Variants in STRA6 observed in about 807,000 individuals in gnomAD.
The protein encoded by STRA6 is receptor for retinol uptake STRA6.
A neutral mutation model predicts 83.6 loss-of-function variants in STRA6; 48 were observed. The observed-to-expected ratio is 0.57, with a 90% CI of 0.46 to 0.73. The LOEUF is 0.73. Ranked by LOEUF, STRA6 falls within the 30% of genes least tolerant of loss-of-function variation. The pLI, the probability that STRA6 is intolerant of heterozygous loss-of-function variation, is 0.00. For synonymous variants in STRA6, 353 were observed against 362.3 expected (o/e 0.97, Z 0.29); for missense variants, 760 against 838.8 (o/e 0.91, Z 1.16).
intron 4 of STRA6, among the ~76,000 whole-genome samples, chr15:74,196,985 C>A (rs1301393296): frequency 6.6e-6 from 1 of 152,158 alleles, no homozygotes; most frequent in Admixed American, 6.5e-5. Context: ...CAGGTGATAC[C>A]CTCAGGGAAG....
chr15:74,194,415 A>C (rs1378193574), intron 7 of STRA6: 1 of 1,046,630 alleles, frequency 9.6e-7, no homozygotes, highest in Non-Finnish European at 1.2e-6. Flanking sequence ...TTTTATTGAG[A>C]GCTTAGTATG....
At chr15:74,209,130 C>T (rs1237112666), upstream of STRA6, 2 of 1,313,506 alleles carry the variant, frequency 1.5e-6, no homozygotes, top group Non-Finnish European at 2.0e-6. Flanking sequence ...CAGAGGAACC[C>T]ACCCCACCCC....
At chr15:74,186,913 G>C (rs532062920) in intron 12 of STRA6, among the ~76,000 whole-genome samples, 2 of 152,320 alleles carry the variant, frequency 1.3e-5, no homozygotes, top group South Asian at 2.1e-4. Flanking sequence ...ATTCAGCCAG[G>C]GCTAAAAATG....
chr15:74,187,837 C>T (rs2073331557), intron 12 of STRA6, among the ~76,000 whole-genome samples: 1 of 152,180 alleles, frequency 6.6e-6, no homozygotes, highest in South Asian at 2.1e-4. Flanking sequence ...GAAGCAGAGT[C>T]CTTTGCCCTG....
chr15:74,194,622 C>T (rs1298737043), intron 7 of STRA6: 1 of 631,546 alleles, frequency 1.6e-6, no homozygotes. Context: ...CATGTCTGCC[C>T]TTCTGAAGTG....
Position 74,180,961 on chromosome 15 carries a change from A to G in STRA6, c.1685-24T>C, listed in dbSNP as rs12913041. 0.19 allele frequency: 303,558 copies of G among 1,612,240 alleles called. 32,650 individuals are homozygous for G. Among genetic ancestry groups the G allele is most frequent in the Non-Finnish European group, 0.22 (254,547 of 1,179,314 alleles). On this transcript the variant is annotated intron_variant, in intron 17 of 18. Coordinates refer to ENST00000395105, the MANE Select transcript of STRA6 (RefSeq NM_022369.4). ...GCCTGGGGTGGGGTGGCGGATGGCA[A>G]TGCTGGGGGAGCAGGGGCCACACTG...
At position 74,195,356 on chromosome 15, in the gene STRA6, C is replaced by T. The variant is rs767810086; in HGVS notation, c.543G>A (p.Trp181Ter). The change falls in exon 7 of 19, where the codon TGG (tryptophan) becomes TGA (stop). Residue 181 changes from tryptophan (W) to a stop codon, truncating the protein, a stop_gained. Coordinates refer to ENST00000395105, the MANE Select transcript of STRA6 (RefSeq NM_022369.4). LOFTEE classifies it high-confidence loss of function. ...GCCAGACCTGGACCCCAAGGTGGGC[C>T]CAGGACAGCGTGCTGCCGAGCAGGT... is the stretch of plus-strand genomic sequence containing the variant. Reference protein sequence around the residue: ...AAHLLGSTLSWAHLGVQVWQR... With the variant: ...AAHLLGSTLS 6.2e-7 allele frequency: 1 copy of T among 1,613,474 alleles called. No individual in the cohort carries two copies. The highest frequency in any genetic ancestry group is 8.5e-7 in the Non-Finnish European group (1 of 1,179,990).
upstream of STRA6, chr15:74,203,037 C>G (rs1228768443): frequency 2.1e-5 from 21 of 985,810 alleles, no homozygotes; most frequent in Non-Finnish European, 2.5e-5. Context: ...CTCCCAAGCC[C>G]CTGCCCGCCA....
At chr15:74,203,759 A>T (rs2074183531), upstream of STRA6, among the ~76,000 whole-genome samples, 1 of 152,246 alleles carries the variant, frequency 6.6e-6, no homozygotes, top group African/African-American at 2.4e-5. Flanking sequence ...AGGGAATCAC[A>T]GGTTGAGCTG....
chr15:74,209,195 G>A (rs764729127), upstream of STRA6, among the ~76,000 whole-genome samples: 3 of 152,160 alleles, frequency 2.0e-5, no homozygotes, highest in South Asian at 2.1e-4. Context: ...CACACAGGGC[G>A]GCTTGTCTCC....
At chr15:74,197,651 TC>T (rs777972201) in intron 3 of STRA6, 100 bp downstream of exon 3, 4 of 1,469,936 alleles carry the variant, frequency 2.7e-6, no homozygotes, top group Admixed American at 1.9e-5. Context: ...CCACCCAGGA[TC>T]TTCCAGGGCC....
At chr15:74,206,779 G>T (rs1208635295), upstream of STRA6, among the ~76,000 whole-genome samples, 9 of 152,316 alleles carry the variant, frequency 5.9e-5, no homozygotes, top group East Asian at 1.7e-3. Flanking sequence ...TGCCAAGAAG[G>T]GAAGTCTGAG....
chr15:74,194,748 T>A (rs916161257), intron 7 of STRA6: 7 of 1,251,440 alleles, frequency 5.6e-6, no homozygotes, highest in Non-Finnish European at 7.0e-6. Context: ...AATGGGTGAG[T>A]GAATGAATGA....
intron 11 of STRA6, among the ~76,000 whole-genome samples, 193 bp from the exon 12 acceptor site, chr15:74,189,470 G>A (rs1184646117): frequency 6.6e-6 from 1 of 152,168 alleles, no homozygotes; most frequent in African/African-American, 2.4e-5. Context: ...TGCAATCACA[G>A]CCTAATAGGC....
rs2073401274 is a variant in STRA6, at chr15:74,189,114, C to T, written c.1090+1G>A. 1.2e-6 allele frequency: 2 copies of T among 1,613,952 alleles called. No individual in the cohort carries two copies. The highest frequency in any genetic ancestry group is 1.7e-6 in the Non-Finnish European group (2 of 1,180,024). On this transcript the variant is annotated splice_donor_variant, in intron 12 of 18. Coordinates refer to ENST00000395105, the MANE Select transcript of STRA6 (RefSeq NM_022369.4). LOFTEE classifies it high-confidence loss of function. ...CCTCAGGGGCTCCCTGGAGGCCTCA[C>T]CTTCCAGAGCCCACAGATGGTGCTT...
chr15:74,194,007 A>T, intron 7 of STRA6, 85 bp from the exon 8 acceptor site: 1 of 1,574,726 alleles, frequency 6.4e-7, no homozygotes, highest in Admixed American at 1.7e-5. Flanking sequence ...CCCACCTCAC[A>T]CTGGGCCCTG....
At chr15:74,183,665 G>C in intron 14 of STRA6, 191 bp downstream of exon 14, 2 of 1,515,750 alleles carry the variant, frequency 1.3e-6, no homozygotes, top group Non-Finnish European at 1.8e-6. Flanking sequence ...GAGGGCTCCT[G>C]TACCCCCATC....
intron 14 of STRA6, among the ~76,000 whole-genome samples, chr15:74,183,049 G>C (rs550316461): frequency 4.7e-4 from 72 of 152,210 alleles, no homozygotes; most frequent in Non-Finnish European, 9.0e-4. Context: ...AAGGCCCTTG[G>C]ATGTGCAACC....
intron 16 of STRA6, among the ~76,000 whole-genome samples, chr15:74,181,843 G>T (rs1326407616): frequency 6.6e-6 from 1 of 152,142 alleles, no homozygotes; most frequent in Non-Finnish European, 1.5e-5. Context: ...ATCTGACAGG[G>T]AACTCCCTTG....
Sources: gnomAD v4.1 joint callset for allele counts (sites outside exome capture counted in the v4.1 genomes callset) on GRCh38, gnomAD v4.1.1 for gene constraint, MANE v1.5 for transcripts, NCBI Gene and HGNC (gene_info 2026-07-23, HGNC 2026-07-21) for gene names.